ULK4: variants seen among roughly 807,000 people sequenced by gnomAD.
The protein encoded by ULK4 is unc-51 like kinase 4.
In ULK4, 133 loss-of-function variants were observed where a neutral mutation model predicts 160.6. The observed-to-expected ratio is 0.83, with a 90% CI of 0.72 to 0.96. The LOEUF is 0.96. Among genes scored for constraint, ULK4 ranks in the 40% least tolerant of loss-of-function variants. The probability of loss-of-function intolerance (pLI) is 0.00; values close to 1 mark genes in which losing one functional copy is unlikely to be tolerated. For synonymous variants in ULK4, 534 were observed against 539.8 expected, an observed-to-expected ratio of 0.99 and a Z score of 0.15; for missense variants, 1,580 against 1,499.5, an observed-to-expected ratio of 1.05 and a Z score of -0.89.
intron 32 of ULK4, among the ~76,000 whole-genome samples, chr3:41,534,516 CAA>C (rs11381017): frequency 7.0e-5 from 10 of 142,104 alleles, no homozygotes; most frequent in African/African-American, 1.8e-4. Flanking sequence ...AATGTTTAAG[CAA>C]AAAAAAAAAA....
chr3:41,343,295 CTTTTTTTTTTTT>C (rs55691966), intron 35 of ULK4, among the ~76,000 whole-genome samples: 10 of 85,336 alleles, frequency 1.2e-4, no homozygotes, highest in Non-Finnish European at 1.8e-4. Context: ...AGCCCAAAAA[CTTTTTTTTTTTT>C]TTTTTTTTTT....
At chr3:41,643,263 G>C (rs1354676618) in intron 30 of ULK4, among the ~76,000 whole-genome samples, 2 of 152,160 alleles carry the variant, frequency 1.3e-5, no homozygotes, top group African/African-American at 4.8e-5. Flanking sequence ...TGAAGTCCTT[G>C]CCCATGCCTA....
chr3:41,271,393 CT>C (rs35652378), intron 35 of ULK4, among the ~76,000 whole-genome samples: 429 of 138,566 alleles, frequency 3.1e-3, no homozygotes, highest in Middle Eastern at 3.7e-3. Context: ...ATCAATAGTT[CT>C]TTTTTTTTTT....
intron 17 of ULK4, among the ~76,000 whole-genome samples, chr3:41,847,024 C>G (rs1035737765): frequency 2.6e-5 from 4 of 152,132 alleles, no homozygotes; most frequent in African/African-American, 9.7e-5. Context: ...ACAGGCATGA[C>G]TGGTTGGCTG....
At chr3:41,275,986 C>T (rs996850154) in intron 35 of ULK4, among the ~76,000 whole-genome samples, 1 of 152,234 alleles carries the variant, frequency 6.6e-6, no homozygotes, top group Non-Finnish European at 1.5e-5. Context: ...GAATTAGCTC[C>T]TTTGCCAGCT....
At chr3:41,467,790 C>T (rs1462681982) in intron 32 of ULK4, among the ~76,000 whole-genome samples, 1 of 152,088 alleles carries the variant, frequency 6.6e-6, no homozygotes, top group Non-Finnish European at 1.5e-5. Flanking sequence ...GGGGTCAGAA[C>T]AGAAGTTATT....
At chr3:41,363,182 G>A (rs1035623521) in intron 35 of ULK4, among the ~76,000 whole-genome samples, 6 of 152,178 alleles carry the variant, frequency 3.9e-5, no homozygotes, top group South Asian at 2.1e-4. Flanking sequence ...GGAGCTCCCC[G>A]GGGGGCACAT....
chr3:41,323,016 C>T (rs2080273339), intron 35 of ULK4, among the ~76,000 whole-genome samples: 1 of 151,990 alleles, frequency 6.6e-6, no homozygotes, highest in Non-Finnish European at 1.5e-5. Context: ...CGGCTCACCG[C>T]AACTTCTGCC....
intron 26 of ULK4, 40 bp from the exon 27 acceptor site, chr3:41,705,191 G>C (rs2036829921): frequency 6.2e-7 from 1 of 1,608,068 alleles, no homozygotes; most frequent in African/African-American, 1.3e-5. Flanking sequence ...TTATTTACAT[G>C]TTCTAAATCA....
At chr3:41,276,915 A>G (rs1004525005) in intron 35 of ULK4, among the ~76,000 whole-genome samples, 3 of 152,228 alleles carry the variant, frequency 2.0e-5, no homozygotes, top group African/African-American at 7.2e-5. Context: ...TAACCTCACT[A>G]AGAAACAAAA....
Position 41,398,065 on chromosome 3 carries a change from C to G in ULK4, c.3678+14G>C, listed in dbSNP as rs1229367131. ...AAGCCACCCACAGTGTCCCCGGTTTCTGTGTGAACTCACCATTCTTCTGAG... is the reference window on the plus strand; with the variant it reads ...AAGCCACCCACAGTGTCCCCGGTTTGTGTGTGAACTCACCATTCTTCTGAG... On this transcript the variant is annotated intron_variant, in intron 35 of 36. Coordinates refer to ENST00000301831, the MANE Select transcript of ULK4 (RefSeq NM_017886.4). 6.2e-7 allele frequency: 1 copy of G among 1,609,028 alleles called. No homozygotes were observed. The highest frequency in any genetic ancestry group is 2.2e-5 in the East Asian group (1 of 44,708).
At chr3:41,741,872 AC>A (rs1189401552) in intron 22 of ULK4, among the ~76,000 whole-genome samples, 14 of 152,052 alleles carry the variant, frequency 9.2e-5, no homozygotes, top group African/African-American at 3.1e-4. Context: ...GACCTGAGGA[AC>A]AACATAGCAG....
chr3:41,296,628 G>T (rs1375572711), intron 35 of ULK4, among the ~76,000 whole-genome samples: 2 of 152,120 alleles, frequency 1.3e-5, no homozygotes, highest in African/African-American at 4.8e-5. Flanking sequence ...TTAAGATAAG[G>T]CCTAAAGGAG....
At chr3:41,580,411 A>G (rs1037524555) in intron 31 of ULK4, among the ~76,000 whole-genome samples, 4 of 151,948 alleles carry the variant, frequency 2.6e-5, no homozygotes, top group Admixed American at 2.0e-4. Flanking sequence ...TTTGGGAGGC[A>G]TAAGAAATCA....
chr3:41,372,812 G>A (rs1181469312), intron 35 of ULK4, among the ~76,000 whole-genome samples: 1 of 152,076 alleles, frequency 6.6e-6, no homozygotes, highest in East Asian at 1.9e-4. Flanking sequence ...AATGTAAATG[G>A]GCTAAATGCC....
At chr3:41,935,209 A>ATTTT (rs10524611) in intron 4 of ULK4, among the ~76,000 whole-genome samples, 14 of 135,600 alleles carry the variant, frequency 1.0e-4, no homozygotes, top group African/African-American at 4.6e-4. Context: ...TTATTTATTT[A>ATTTT]TTTTTTTTTT....
At position 41,782,614 on chromosome 3, in the gene ULK4, G is replaced by T. The variant is rs534553275; in HGVS notation, c.2193+7047C>A. Reference sequence around the variant, plus strand: ...GAAGCGTTAAATCAAAGTATTTTTGGCATATGTGAAAGAGTTTAATTTTAT... The same window carrying T: ...GAAGCGTTAAATCAAAGTATTTTTGTCATATGTGAAAGAGTTTAATTTTAT... On this transcript the variant is annotated intron_variant, in intron 21 of 36. Coordinates refer to ENST00000301831, the MANE Select transcript of ULK4 (RefSeq NM_017886.4). Among the ~76,000 whole-genome samples, 4 of 152,218 alleles carry T rather than the reference G, an allele frequency of 2.6e-5. No individual in the cohort carries two copies. The East Asian group carries it at 7.7e-4, about 29-fold the overall frequency.
intron 32 of ULK4, among the ~76,000 whole-genome samples, chr3:41,490,919 T>C (rs1026951315): frequency 9.9e-5 from 15 of 152,104 alleles, no homozygotes; most frequent in Non-Finnish European, 2.2e-4. Flanking sequence ...TCAATAAATG[T>C]CTGTGTAAGG....
intron 32 of ULK4, among the ~76,000 whole-genome samples, chr3:41,470,044 A>AAAAAAAAAC (rs1415943037): frequency 9.0e-4 from 105 of 116,742 alleles, no homozygotes; most frequent in Middle Eastern, 4.6e-3. Flanking sequence ...AAAAAAAAAA[A>AAAAAAAAAC]AACAAAGTAT....
Sources: gnomAD v4.1 joint callset for allele counts (sites outside exome capture counted in the v4.1 genomes callset) on GRCh38, gnomAD v4.1.1 for gene constraint, MANE v1.5 for transcripts, NCBI Gene and HGNC (gene_info 2026-07-23, HGNC 2026-07-21) for gene names.